ADCY1: variants seen among roughly 807,000 people sequenced by gnomAD.
The protein encoded by ADCY1 is adenylate cyclase 1.
Under a neutral mutation model 105.4 loss-of-function variants are expected in ADCY1, and 28 were observed. The ratio of observed to expected loss-of-function variants is 0.27; its 90% CI spans 0.20 to 0.36. The LOEUF (loss-of-function observed/expected upper bound fraction) is 0.36. Among genes scored for constraint, ADCY1 ranks in the 10% least tolerant of loss-of-function variants. The pLI is 1.00. For missense variants in ADCY1, 977 were observed against 1,434.2 expected (o/e 0.68, Z 5.15); for synonymous variants, 655 against 623.8 (o/e 1.05, Z -0.75).
At chr7:45,676,775 A>G (rs1378372405) in intron 8 of ADCY1, among the ~76,000 whole-genome samples, 2 of 151,462 alleles carry the variant, frequency 1.3e-5, no homozygotes, top group South Asian at 4.2e-4. Flanking sequence ...ACAGCCTAAT[A>G]AAGATCAAAG....
intron 19 of ADCY1, among the ~76,000 whole-genome samples, chr7:45,711,764 T>G (rs117718320): frequency 1.4e-5 from 2 of 141,364 alleles, no homozygotes; most frequent in Admixed American, 7.3e-5. Flanking sequence ...TATACATATA[T>G]GTGTATATAT....
rs968495114 is a variant in ADCY1, at chr7:45,647,136, G to C, written c.1021-1534G>C. Among the ~76,000 whole-genome samples the C allele has an allele frequency of 6.6e-6, 1 of 152,226 alleles. No homozygotes were observed. The highest frequency in any genetic ancestry group is 1.5e-5 in the Non-Finnish European group (1 of 68,046). The stretch of plus-strand genomic sequence containing the variant: ...GGCCATCTCTCAAGGTCCCTGCAAC[G>C]CCAGGCCTGAGGGCAGCTCAGGACA... On this transcript the variant is annotated intron_variant, in intron 4 of 19. Coordinates refer to ENST00000297323, the MANE Select transcript of ADCY1 (RefSeq NM_021116.4). The surrounding 1 kb of genome is among the most constrained non-coding windows in gnomAD (Gnocchi z 4.6).
At chr7:45,646,581 T>A (rs1794671004) in intron 4 of ADCY1, among the ~76,000 whole-genome samples, 1 of 152,198 alleles carries the variant, frequency 6.6e-6, no homozygotes, top group South Asian at 2.1e-4. Flanking sequence ...CTGACCCCTT[T>A]GAAACATTTG....
Position 45,715,314 on chromosome 7 carries a change from ATAG to A in ADCY1, c.*1323_*1325del, listed in dbSNP as rs1785340659. The A allele has an allele frequency of 2.0e-5, 3 of 152,438 alleles. No individual in the cohort carries two copies. The highest frequency in any genetic ancestry group is 7.2e-5 in the African/African-American group (3 of 41,442). The allele number at this position is 152,438 out of a possible 1,614,324, so 9.4% of individuals were successfully genotyped here. Reference sequence around the variant, plus strand: ...GGAGGGAAGCTTCTGGGTAGGCACCATAGTAGGGGAATGTCTAAAGACCCACTG... The same window carrying A: ...GGAGGGAAGCTTCTGGGTAGGCACCATAGGGGAATGTCTAAAGACCCACTG... On this transcript the variant is annotated 3_prime_UTR_variant, in exon 20 of 20. Transcript: ENST00000297323.
chr7:45,578,085 T>TG (rs1277506576), intron 1 of ADCY1, among the ~76,000 whole-genome samples: 3 of 152,212 alleles, frequency 2.0e-5, no homozygotes, highest in African/African-American at 7.2e-5. Context: ...CTGGGTGCTT[T>TG]GGGGCATCTG....
rs766070890 is a variant in ADCY1, at chr7:45,657,901, G to C, written c.1307+16G>C. The C allele has an allele frequency of 6.3e-7, 1 of 1,579,622 alleles. No individual in the cohort carries two copies. The highest frequency in any genetic ancestry group is 8.6e-7 in the Non-Finnish European group (1 of 1,156,888). ...GCCTGCCAGGGTAAGTCGGGGATGG[G>C]GTGGGGAGGGGAGGGAGGTGGGTGA... On this transcript the variant is annotated intron_variant, in intron 6 of 19. Transcript: ENST00000297323.
intron 4 of ADCY1, among the ~76,000 whole-genome samples, chr7:45,642,948 C>T (rs1214172210): frequency 4.6e-5 from 7 of 152,114 alleles, no homozygotes; most frequent in African/African-American, 1.4e-4. Context: ...ATGTTCAATT[C>T]TTTTTACTTA....
In ADCY1 at chr7:45,574,702, G is replaced by A. The variant is rs1488086718; in HGVS notation, c.159G>A (p.Thr53=). 3.2e-5 allele frequency: 45 copies of A among 1,405,882 alleles called. No individual in the cohort carries two copies. The highest frequency in any genetic ancestry group is 4.1e-5 in the Non-Finnish European group (44 of 1,085,402). 87.1% of individuals were successfully genotyped at this position (1,405,882 alleles called of 1,614,324 possible). Residue 53 remains threonine (T), a synonymous_variant, in exon 1 of 20, where the codon ACG becomes ACA. Coordinates refer to ENST00000297323, the MANE Select transcript of ADCY1 (RefSeq NM_021116.4). The surrounding 1 kb of genome is among the most constrained non-coding windows in gnomAD (Gnocchi z 7.0). Reference sequence around the variant, plus strand: ...TGGAGGCGCTGTTCCGCGGCTACACGCTGCGGCTGGAGCAGGCGGCCACGC... The same window carrying A: ...TGGAGGCGCTGTTCCGCGGCTACACACTGCGGCTGGAGCAGGCGGCCACGC... ...PELEALFRGY[T]LRLEQAATLK...
chr7:45,586,179 G>T (rs1490880948), intron 1 of ADCY1, among the ~76,000 whole-genome samples: 1 of 152,158 alleles, frequency 6.6e-6, no homozygotes, highest in East Asian at 1.9e-4. Flanking sequence ...TGCATGACCT[G>T]GGAGGAGAGG....
intron 8 of ADCY1, among the ~76,000 whole-genome samples, chr7:45,666,321 T>C (rs1012921354): frequency 6.6e-6 from 1 of 152,182 alleles, no homozygotes; most frequent in African/African-American, 2.4e-5. Flanking sequence ...GGGTGTGATG[T>C]TCCCCTTCCT....
chr7:45,581,093 C>G (rs1472313838), intron 1 of ADCY1, among the ~76,000 whole-genome samples: 2 of 152,134 alleles, frequency 1.3e-5, no homozygotes, highest in South Asian at 4.2e-4. Context: ...TTCAGGGGCT[C>G]TAGTGTATCT....
At chr7:45,619,870 G>A (rs969775246) in intron 3 of ADCY1, among the ~76,000 whole-genome samples, 6 of 152,154 alleles carry the variant, frequency 3.9e-5, no homozygotes, top group East Asian at 1.9e-4. Flanking sequence ...TCACATACAC[G>A]TAGCTATGCA....
chr7:45,678,152 T>A lies in ADCY1; in HGVS notation c.1801-14T>A. On this transcript the variant is annotated splice_polypyrimidine_tract_variant and intron_variant, in intron 9 of 19. Coordinates refer to ENST00000297323, the MANE Select transcript of ADCY1 (RefSeq NM_021116.4). ...AGCCCTCAGCCCTGATGGATTGACT[T>A]CTCTCTTACACAGTACCACCAGCTT... 1 of 1,614,104 alleles carries A rather than the reference T, an allele frequency of 6.2e-7. No individual in the cohort carries two copies. The highest frequency in any genetic ancestry group is 1.1e-5 in the South Asian group (1 of 91,076).
chr7:45,577,104 T>C (rs950484497), intron 1 of ADCY1, among the ~76,000 whole-genome samples: 2 of 152,124 alleles, frequency 1.3e-5, no homozygotes, highest in Admixed American at 1.3e-4. Flanking sequence ...AAGCCCATCC[T>C]GGGAGCAAGG....
rs568299067 is a variant in ADCY1, at chr7:45,607,357, A to G, written c.790-3022A>G. ...GTGTTGCCTTCATCCTCCTAAACCA[A>G]GATGGTAGGTGGAGATCTGGCTGTT... is the stretch of plus-strand genomic sequence containing the variant. On this transcript the variant is annotated intron_variant, in intron 2 of 19. Coordinates refer to ENST00000297323, the MANE Select transcript of ADCY1 (RefSeq NM_021116.4). Among the ~76,000 whole-genome samples the G allele has an allele frequency of 7.2e-5, 11 of 152,270 alleles. No homozygotes were observed. The South Asian group carries it at 1.9e-3, about 26-fold the overall frequency.
chr7:45,629,000 C>A (rs1277975996), intron 4 of ADCY1, among the ~76,000 whole-genome samples: 1 of 152,124 alleles, frequency 6.6e-6, no homozygotes, highest in African/African-American at 2.4e-5. Context: ...CGGTTCTGTT[C>A]ATTTGGGCAT....
At position 45,575,259 on chromosome 7, in the gene ADCY1, C is replaced by A; in HGVS notation, c.639+77C>A. The A allele has an allele frequency of 1.3e-6, 2 of 1,493,362 alleles. No individual in the cohort carries two copies. The highest frequency in any genetic ancestry group is 2.3e-5 in the East Asian group (1 of 43,324). 92.5% of individuals were successfully genotyped at this position (1,493,362 alleles called of 1,614,324 possible). On this transcript the variant is annotated intron_variant, in intron 1 of 19. Coordinates refer to ENST00000297323, the MANE Select transcript of ADCY1 (RefSeq NM_021116.4). This position sits in a 1 kb window ranked among gnomAD's most constrained non-coding sequence, Gnocchi z 4.7. Reference sequence around the variant, plus strand: ...GATGCTGGGAATGCCCGGAGTCGGGCGCGCTTTTTCCTATGCGGCGGGTGG... The same window carrying A: ...GATGCTGGGAATGCCCGGAGTCGGGAGCGCTTTTTCCTATGCGGCGGGTGG...
At chr7:45,687,795 C>A (rs1240839648) in intron 14 of ADCY1, among the ~76,000 whole-genome samples, 1 of 152,200 alleles carries the variant, frequency 6.6e-6, no homozygotes, top group African/African-American at 2.4e-5. Context: ...TGGGATCCAG[C>A]TGCCATCTGT....
chr7:45,592,747 C>T lies in ADCY1; in HGVS notation c.640-12C>T, dbSNP rs1792960673. 6.2e-7 allele frequency: 1 copy of T among 1,613,980 alleles called. No individual in the cohort carries two copies. The highest frequency in any genetic ancestry group is 8.5e-7 in the Non-Finnish European group (1 of 1,179,890). ...GTCAGGCTCCACATGTTGCCTCCTT[C>T]TCTCCCTGCAGCTCGGTGCCAATGC... is the stretch of plus-strand genomic sequence containing the variant. On this transcript the variant is annotated splice_polypyrimidine_tract_variant and intron_variant, in intron 1 of 19. Transcript: ENST00000297323.
Sources: gnomAD v4.1 joint callset for allele counts (sites outside exome capture counted in the v4.1 genomes callset) on GRCh38, gnomAD v4.1.1 for gene constraint, Gnocchi (gnomAD v3.1) non-coding constraint, MANE v1.5 for transcripts, NCBI Gene and HGNC (gene_info 2026-07-23, HGNC 2026-07-21) for gene names.